TOGARAM2: variants seen among roughly 807,000 people sequenced by gnomAD.
TOGARAM2 encodes TOG array regulator of axonemal microtubules protein 2.
In TOGARAM2, 85 loss-of-function variants were observed where a neutral mutation model predicts 93.3. The ratio of observed to expected loss-of-function variants is 0.91; its 90% CI spans 0.76 to 1.09. The LOEUF is 1.09. TOGARAM2 is among the 50% of genes least tolerant of loss of function. The probability of loss-of-function intolerance (pLI) is 0.00; values close to 1 mark genes in which losing one functional copy is unlikely to be tolerated. For missense variants in TOGARAM2, 1,277 were observed against 1,334.5 expected, an observed-to-expected ratio of 0.96 and a Z score of 0.67; for synonymous variants, 593 against 552.8, an observed-to-expected ratio of 1.07 and a Z score of -1.02.
chr2:28,973,441 C>CCCTT (rs146889949), intron 1 of TOGARAM2, among the ~76,000 whole-genome samples: 57 of 39,110 alleles, frequency 1.5e-3, no homozygotes, highest in Middle Eastern at 0.016. Flanking sequence ...CCTTCCCTTC[C>CCCTT]CCTTCCTTCC....
At position 29,035,676 on chromosome 2, in the gene TOGARAM2, A is replaced by C; in HGVS notation, c.2418+20A>C. Reference sequence around the variant, plus strand: ...GTCCAGGTGAGCACCGCTTGCTTTTACTCTCCCACCTGTCTCTCCTCTGGG... The same window carrying C: ...GTCCAGGTGAGCACCGCTTGCTTTTCCTCTCCCACCTGTCTCTCCTCTGGG... On this transcript the variant is annotated intron_variant, in intron 17 of 19. Transcript: ENST00000379558. 7.3e-7 allele frequency: 1 copy of C among 1,373,586 alleles called. No homozygotes were observed. Among genetic ancestry groups the C allele is most frequent in the Non-Finnish European group, 9.5e-7 (1 of 1,050,930 alleles). 85.1% of individuals were successfully genotyped at this position (1,373,586 alleles called of 1,614,324 possible). A position where few individuals can be genotyped will look rare whatever the true frequency, so the allele number is the denominator to read the frequency against.
In TOGARAM2 at chr2:29,033,314, C is replaced by T; in HGVS notation, c.2131-155C>T. The T allele has an allele frequency of 4.0e-6, 3 of 748,408 alleles. No homozygotes were observed. The South Asian group carries it at 5.4e-5, about 14-fold the overall frequency. The allele number at this position is 748,408 out of a possible 1,614,324, so 46.4% of individuals were successfully genotyped here. On this transcript the variant is annotated intron_variant, in intron 15 of 19. Coordinates refer to ENST00000379558, the MANE Select transcript of TOGARAM2 (RefSeq NM_199280.4). ...TAACCAGGGATCTTGATCTCTGCCC[C>T]AGCTGCTTTCAGGGCTCTGGAAGGC...
intron 1 of TOGARAM2, among the ~76,000 whole-genome samples, chr2:28,987,330 C>T (rs189851642): frequency 7.2e-5 from 11 of 152,238 alleles, no homozygotes; most frequent in African/African-American, 2.6e-4. Context: ...TGCTTTGTCA[C>T]CTAGGCTGGA....
At chr2:29,022,393 C>A in intron 11 of TOGARAM2, 85 bp downstream of exon 11, 1 of 1,535,604 alleles carries the variant, frequency 6.5e-7, no homozygotes, top group Non-Finnish European at 8.8e-7. Context: ...AACTTCCCTC[C>A]TCTCCCACTC....
chr2:28,959,698 G>A (rs1234218549), intron 1 of TOGARAM2, among the ~76,000 whole-genome samples: 2 of 152,076 alleles, frequency 1.3e-5, no homozygotes, highest in South Asian at 2.1e-4. Flanking sequence ...AGCTGAGATC[G>A]TGCCACTGCA....
At chr2:28,976,337 C>G (rs1234213589), upstream of TOGARAM2, among the ~76,000 whole-genome samples, 1 of 152,228 alleles carries the variant, frequency 6.6e-6, no homozygotes, top group Admixed American at 6.5e-5. Flanking sequence ...CACCACTGCA[C>G]TCCAGCCTGG....
chr2:28,969,829 T>TG (rs879448504), intron 1 of TOGARAM2, among the ~76,000 whole-genome samples: 2 of 150,584 alleles, frequency 1.3e-5, no homozygotes, highest in Non-Finnish European at 3.0e-5. Context: ...TTTTTTTTTT[T>TG]GAGACGGAGT....
rs1003807358 is a variant in TOGARAM2 at position 29,045,425 on chromosome 2, C to T, written c.2722+15C>T. 4 of 1,597,534 alleles carry T rather than the reference C, an allele frequency of 2.5e-6. No individual in the cohort carries two copies. The highest frequency in any genetic ancestry group is 3.4e-6 in the Non-Finnish European group (4 of 1,167,316). ...TCGCCTGGCAGGTGAGCACCCCCAG[C>T]CCCACCCCACCCCATCTCCTGGCAG... On this transcript the variant is annotated intron_variant, in intron 19 of 19. Coordinates refer to ENST00000379558, the MANE Select transcript of TOGARAM2 (RefSeq NM_199280.4).
rs1024507639 is a variant in TOGARAM2, at chr2:29,033,068, A to G, written c.2130+17A>G. 1.2e-6 allele frequency: 2 copies of G among 1,605,836 alleles called. No individual in the cohort carries two copies. The highest frequency in any genetic ancestry group is 3.4e-5 in the Admixed American group (2 of 59,344). ...AAACAGCAGGTGAGCTGTGGGGCAT[A>G]AGTGGGTCATGGCCTTTTGGGGGTG... On this transcript the variant is annotated intron_variant, in intron 15 of 19. Transcript: ENST00000379558.
At chr2:29,048,845 A>AT (rs35220823) in intron 19 of TOGARAM2, 15,108 of 98,502 alleles carry the variant, frequency 0.15, 1,658 homozygotes, top group East Asian at 0.5. Flanking sequence ...CACCCAGCTA[A>AT]TTTTTTTTTT....
At chr2:28,963,729 C>T (rs770482607) in intron 1 of TOGARAM2, among the ~76,000 whole-genome samples, 5 of 152,064 alleles carry the variant, frequency 3.3e-5, no homozygotes, top group African/African-American at 9.7e-5. Flanking sequence ...TGTACCTGGC[C>T]GAATGCGGTG....
chr2:28,964,604 T>C (rs964590069), intron 1 of TOGARAM2, among the ~76,000 whole-genome samples: 5 of 152,056 alleles, frequency 3.3e-5, no homozygotes, highest in Admixed American at 2.6e-4. Flanking sequence ...AAGCCCAGAA[T>C]GCATTAGCTA....
intron 1 of TOGARAM2, among the ~76,000 whole-genome samples, chr2:28,975,458 G>C (rs904920593): frequency 3.3e-5 from 5 of 151,990 alleles, no homozygotes; most frequent in African/African-American, 9.7e-5. Flanking sequence ...AAAGTGCTGG[G>C]ATTACAGGTG....
At chr2:29,002,301 G>A (rs1462753760) in intron 4 of TOGARAM2, among the ~76,000 whole-genome samples, 1 of 152,036 alleles carries the variant, frequency 6.6e-6, no homozygotes, top group Non-Finnish European at 1.5e-5. Context: ...TCCTTCCCAC[G>A]CTGCCTCTGA....
intron 2 of TOGARAM2, among the ~76,000 whole-genome samples, chr2:28,996,068 G>T (rs1672975624): frequency 6.6e-6 from 1 of 152,228 alleles, no homozygotes; most frequent in Non-Finnish European, 1.5e-5. Flanking sequence ...GGCTGTGCCT[G>T]GGGCTGTGGG....
At chr2:29,015,793 G>A (rs941433219) in intron 8 of TOGARAM2, among the ~76,000 whole-genome samples, 4 of 152,074 alleles carry the variant, frequency 2.6e-5, no homozygotes, top group African/African-American at 2.4e-5. Flanking sequence ...TCCTGCCTAC[G>A]TGAAAGGCAG....
At chr2:28,973,469 C>CCTTCCTTCCTT (rs1228397240) in intron 1 of TOGARAM2, among the ~76,000 whole-genome samples, 60 of 80,946 alleles carry the variant, frequency 7.4e-4, no homozygotes, top group Admixed American at 3.3e-3. Flanking sequence ...CTTCCTTCCT[C>CCTTCCTTCCTT]CCTCCCTCCC....
rs779997226 is a variant in TOGARAM2 at position 29,033,005 on chromosome 2, T to G, written c.2084T>G (p.Leu695Arg). 3.7e-6 allele frequency: 6 copies of G among 1,613,892 alleles called. No homozygotes were observed. In the Admixed American group the frequency reaches 1.0e-4, roughly 27 times the overall value. Residue 695 changes from leucine (L) to arginine (R), a missense_variant, in exon 15 of 20, where the codon CTC (leucine) becomes CGC (arginine). Coordinates refer to ENST00000379558, the MANE Select transcript of TOGARAM2 (RefSeq NM_199280.4). ...TTTGATGCATTTCTGAAGCAATCTC[T>G]CCCATCTTACGACTTGCAGAAGGTC... ...TKFDAFLKQS[L>R]PSYDLQKVMA...
At chr2:29,016,280 C>G (rs145084925) in intron 8 of TOGARAM2, among the ~76,000 whole-genome samples, 10 of 152,120 alleles carry the variant, frequency 6.6e-5, no homozygotes, top group Non-Finnish European at 1.5e-4. Flanking sequence ...CCCACCATCC[C>G]CATCGCCGTC....
Sources: gnomAD v4.1 joint callset for allele counts (sites outside exome capture counted in the v4.1 genomes callset) on GRCh38, gnomAD v4.1.1 for gene constraint, MANE v1.5 for transcripts, NCBI Gene and HGNC (gene_info 2026-07-23, HGNC 2026-07-21) for gene names.